NCAM2: variants seen among roughly 807,000 people sequenced by gnomAD.
NCAM2 encodes N-CAM-2.
A neutral mutation model predicts 98.1 loss-of-function variants in NCAM2; 30 were observed. The ratio of observed to expected loss-of-function variants is 0.31; its 90% CI spans 0.23 to 0.41. The LOEUF (loss-of-function observed/expected upper bound fraction) is 0.41, where lower values mean the gene tolerates loss of function less well. Among genes scored for constraint, NCAM2 ranks in the 10% least tolerant of loss-of-function variants. The pLI, the probability that NCAM2 is intolerant of heterozygous loss-of-function variation, is 1.00. For missense variants in NCAM2, 867 were observed against 1,005.8 expected (o/e 0.86, Z 1.87); for synonymous variants, 368 against 342.4 (o/e 1.07, Z -0.83).
chr21:21,007,674 A>G (rs2146123056), intron 1 of NCAM2, among the ~76,000 whole-genome samples: 1 of 152,180 alleles, frequency 6.6e-6, no homozygotes, highest in Non-Finnish European at 1.5e-5. Context: ...ATGCGTTGTA[A>G]CTAAGGTACT....
chr21:21,153,985 T>TAGAGATAATG lies in NCAM2; in HGVS notation c.56-126593_56-126592insAGAGATAATG, dbSNP rs1569083615. On this transcript the variant is annotated intron_variant, in intron 1 of 17. Coordinates refer to ENST00000400546, the MANE Select transcript of NCAM2 (RefSeq NM_004540.5). ...TTTCTTGGTTAAATATATGATTAAG[T>TAGAGATAATG]TTATAAATGAGATAGAGAATATGTG... is the stretch of plus-strand genomic sequence containing the variant. Among the ~76,000 whole-genome samples the TAGAGATAATG allele has an allele frequency of 2.0e-5, 3 of 151,864 alleles. No individual in the cohort carries two copies. In the East Asian group the frequency reaches 5.8e-4, roughly 29 times the overall value.
At chr21:21,150,823 G>C (rs2067425765) in intron 1 of NCAM2, among the ~76,000 whole-genome samples, 1 of 151,592 alleles carries the variant, frequency 6.6e-6, no homozygotes, top group Middle Eastern at 3.2e-3. Context: ...AAAATTAATT[G>C]GGAAGTGTTC....
intron 1 of NCAM2, among the ~76,000 whole-genome samples, chr21:21,052,004 C>T (rs1272769929): frequency 1.3e-5 from 2 of 152,120 alleles, no homozygotes; most frequent in African/African-American, 4.8e-5. Context: ...AGTATATATG[C>T]AGGATTTTTT....
At chr21:21,295,723 A>G (rs1374913771) in intron 5 of NCAM2, among the ~76,000 whole-genome samples, 1 of 151,866 alleles carries the variant, frequency 6.6e-6, no homozygotes, top group Non-Finnish European at 1.5e-5. Flanking sequence ...AAGTGCAGAC[A>G]ACATAACATG....
At chr21:21,095,448 A>G (rs1280607932) in intron 1 of NCAM2, among the ~76,000 whole-genome samples, 1 of 151,298 alleles carries the variant, frequency 6.6e-6, no homozygotes, top group African/African-American at 2.4e-5. Flanking sequence ...CTAGCTAGCT[A>G]CCTATCTTTC....
At chr21:21,106,167 G>T (rs1456833667) in intron 1 of NCAM2, among the ~76,000 whole-genome samples, 1 of 151,778 alleles carries the variant, frequency 6.6e-6, no homozygotes, top group African/African-American at 2.4e-5. Context: ...ACTTAGTTGG[G>T]TGTGGTGGCA....
intron 1 of NCAM2, chr21:21,226,927 G>T (rs1433161736): frequency 6.6e-6 from 1 of 151,874 alleles, no homozygotes; most frequent in Non-Finnish European, 1.5e-5. Context: ...TATGATTATC[G>T]AAGTTGATGG....
intron 1 of NCAM2, among the ~76,000 whole-genome samples, chr21:21,272,509 CACACA>C (rs2072548991): frequency 2.4e-4 from 2 of 8,164 alleles, no homozygotes; most frequent in Admixed American, 1.3e-3. Context: ...CGCGCGCGCG[CACACA>C]CACACACACA....
intron 3 of NCAM2, 39 bp downstream of exon 3, chr21:21,284,439 C>A: frequency 6.7e-7 from 1 of 1,484,042 alleles, no homozygotes; most frequent in Non-Finnish European, 9.3e-7. Context: ...TATTCAATTT[C>A]AGTTGCTTAT....
intron 15 of NCAM2, among the ~76,000 whole-genome samples, chr21:21,478,745 A>G (rs1227194281): frequency 6.6e-6 from 1 of 152,144 alleles, no homozygotes; most frequent in Non-Finnish European, 1.5e-5. Flanking sequence ...GCCCTTCTGC[A>G]TTGATTATGT....
chr21:21,325,534 T>A (rs2074489370), intron 6 of NCAM2, among the ~76,000 whole-genome samples: 1 of 152,196 alleles, frequency 6.6e-6, no homozygotes, highest in South Asian at 2.1e-4. Flanking sequence ...TGGGACAAAC[T>A]GTTGGTATTT....
intron 1 of NCAM2, among the ~76,000 whole-genome samples, chr21:21,015,665 C>T (rs2064292779): frequency 6.6e-6 from 1 of 152,072 alleles, no homozygotes; most frequent in Non-Finnish European, 1.5e-5. Context: ...CTGGCGATAT[C>T]TCCAAGGTAT....
intron 1 of NCAM2, among the ~76,000 whole-genome samples, chr21:21,165,401 T>C (rs1404009244): frequency 6.6e-6 from 1 of 152,148 alleles, no homozygotes; most frequent in Non-Finnish European, 1.5e-5. Context: ...CAAAAACAGA[T>C]GTTCACATTA....
At chr21:21,054,566 G>A (rs9637133) in intron 1 of NCAM2, among the ~76,000 whole-genome samples, 9,093 of 151,952 alleles carry the variant, frequency 0.06, 287 homozygotes, top group East Asian at 0.097. Context: ...TTACCCAAGT[G>A]TTAACACACA....
chr21:21,486,463 A>G (rs774220960), intron 15 of NCAM2, among the ~76,000 whole-genome samples: 3 of 152,170 alleles, frequency 2.0e-5, no homozygotes, highest in Non-Finnish European at 4.4e-5. Context: ...TTAAATAACT[A>G]TCATTGCATA....
In NCAM2 at chr21:21,537,880, G is replaced by T. The variant is rs770703391; in HGVS notation, c.2437G>T (p.Ala813Ser). The change falls in exon 18 of 18, where the codon GCT becomes TCT. Residue 813 changes from alanine (A) to serine (S), a missense_variant. Ala to Ser is a moderately conservative substitution (Grantham distance 99). This residue lies in a region of NCAM2 where 125 missense variants were observed against 116.1 expected (regional missense o/e 1.08). Coordinates refer to ENST00000400546, the MANE Select transcript of NCAM2 (RefSeq NM_004540.5). The part of the protein sequence containing the change: ...LPLKEEDGKE[A>S]LNPETIEIKV... ...TTTAAAGGAAGAAGATGGGAAAGAA[G>T]CTCTAAATCCAGAAACTATAGAAAT... 6.3e-7 allele frequency: 1 copy of T among 1,575,088 alleles called. No individual in the cohort carries two copies. Among genetic ancestry groups the T allele is most frequent in the East Asian group, 2.3e-5 (1 of 43,942 alleles).
At chr21:21,313,637 T>G (rs528344962) in intron 5 of NCAM2, among the ~76,000 whole-genome samples, 2 of 152,138 alleles carry the variant, frequency 1.3e-5, no homozygotes, top group East Asian at 3.9e-4. Flanking sequence ...TTATATTTTA[T>G]TCATTATGCC....
rs144273669 is a variant in NCAM2, at chr21:21,265,849, A to C, written c.56-14729A>C. Among the ~76,000 whole-genome samples, 1,204 of 152,180 alleles carry C rather than the reference A, an allele frequency of 7.9e-3. 19 individuals are homozygous for C. Among genetic ancestry groups the C allele is most frequent in the African/African-American group, 0.026 (1,082 of 41,546 alleles). On this transcript the variant is annotated intron_variant, in intron 1 of 17. Coordinates refer to ENST00000400546, the MANE Select transcript of NCAM2 (RefSeq NM_004540.5). ...GGTGATGGGCTCAAACCCAAACCTC[A>C]GCATTACTCAACTACTCATGTAACA...
At chr21:21,449,237 C>T (rs1027044549) in intron 12 of NCAM2, among the ~76,000 whole-genome samples, 3 of 151,442 alleles carry the variant, frequency 2.0e-5, no homozygotes, top group African/African-American at 7.3e-5. Flanking sequence ...ATAAATAGTA[C>T]AAATAAATGA....
Sources: gnomAD v4.1 joint callset for allele counts (sites outside exome capture counted in the v4.1 genomes callset) on GRCh38, gnomAD v4.1.1 for gene constraint, gnomAD v4.1.1 regional missense constraint, MANE v1.5 for transcripts, NCBI Gene and HGNC (gene_info 2026-07-23, HGNC 2026-07-21) for gene names.